SUGCT: variants seen among roughly 807,000 people sequenced by gnomAD.
The protein encoded by SUGCT is succinyl-CoA:glutarate CoA-transferase.
In SUGCT, 41 loss-of-function variants were observed where a neutral mutation model predicts 55.0. That is an observed-to-expected ratio of 0.74 (90% CI 0.58 to 0.97). The LOEUF is 0.97. Ranked by LOEUF, SUGCT falls within the 50% of genes least tolerant of loss-of-function variation. The probability of loss-of-function intolerance (pLI) is 0.00; values close to 1 mark genes in which losing one functional copy is unlikely to be tolerated. For missense variants in SUGCT, 568 were observed against 547.8 expected (o/e 1.04, Z -0.37); for synonymous variants, 187 against 200.4 (o/e 0.93, Z 0.56).
At chr7:40,760,093 C>G (rs1360162063) in intron 13 of SUGCT, among the ~76,000 whole-genome samples, 1 of 151,994 alleles carries the variant, frequency 6.6e-6, no homozygotes, top group Admixed American at 6.6e-5. Context: ...TCAAAAGACC[C>G]AAGATATTAA....
chr7:40,772,448 G>A (rs1789154468), intron 13 of SUGCT, among the ~76,000 whole-genome samples: 1 of 152,012 alleles, frequency 6.6e-6, no homozygotes, highest in Non-Finnish European at 1.5e-5. Flanking sequence ...CATCGTGATA[G>A]ACGCTAGATC....
At chr7:40,336,486 T>C (rs1796713673) in intron 9 of SUGCT, among the ~76,000 whole-genome samples, 1 of 152,210 alleles carries the variant, frequency 6.6e-6, no homozygotes, top group African/African-American at 2.4e-5. Context: ...GGAGGGTGTA[T>C]GTGTCCAGGA....
intron 12 of SUGCT, among the ~76,000 whole-genome samples, chr7:40,745,349 T>C (rs1203790046): frequency 6.6e-6 from 1 of 152,190 alleles, no homozygotes; most frequent in African/African-American, 2.4e-5. Flanking sequence ...TTTGTCTTGC[T>C]AGTGCTATAT....
chr7:40,405,438 A>G (rs970933106), intron 9 of SUGCT, among the ~76,000 whole-genome samples: 1 of 152,200 alleles, frequency 6.6e-6, no homozygotes, highest in Non-Finnish European at 1.5e-5. Context: ...ACATGTTTTA[A>G]TTATTACAAA....
intron 12 of SUGCT, among the ~76,000 whole-genome samples, chr7:40,662,955 A>G (rs1455023141): frequency 6.6e-6 from 1 of 152,186 alleles, no homozygotes; most frequent in East Asian, 1.9e-4. Context: ...TGCTGAATGA[A>G]TGACTAACTC....
chr7:40,614,546 T>C (rs1390942575), intron 12 of SUGCT, among the ~76,000 whole-genome samples: 13 of 152,102 alleles, frequency 8.5e-5, no homozygotes. Flanking sequence ...TAGATGGAAA[T>C]AGGGAAAGGT....
At chr7:40,586,967 CAG>C (rs1396622355) in intron 12 of SUGCT, among the ~76,000 whole-genome samples, 1 of 152,160 alleles carries the variant, frequency 6.6e-6, no homozygotes, top group African/African-American at 2.4e-5. Context: ...TGAAAAGTAA[CAG>C]AACTACAGAT....
At chr7:40,374,158 A>G (rs1268030773) in intron 9 of SUGCT, among the ~76,000 whole-genome samples, 1 of 152,148 alleles carries the variant, frequency 6.6e-6, no homozygotes, top group Admixed American at 6.6e-5. Context: ...GCACATGCAT[A>G]TATAGGGTTG....
chr7:40,373,596 A>G (rs1173021802), intron 9 of SUGCT, among the ~76,000 whole-genome samples: 1 of 152,006 alleles, frequency 6.6e-6, no homozygotes, highest in Non-Finnish European at 1.5e-5. Context: ...GGACAATGCT[A>G]AGTGTCTGTG....
At chr7:40,674,659 G>A (rs1802102907) in intron 12 of SUGCT, among the ~76,000 whole-genome samples, 1 of 152,136 alleles carries the variant, frequency 6.6e-6, no homozygotes, top group Non-Finnish European at 1.5e-5. Flanking sequence ...AATAAATTGG[G>A]AAATGTATAA....
the SUGCT span, among the ~76,000 whole-genome samples, chr7:40,926,162 G>C: frequency 6.6e-6 from 1 of 151,870 alleles, no homozygotes; most frequent in African/African-American, 2.4e-5. Flanking sequence ...CTGATGCTGA[G>C]TAAATACTAC....
At chr7:40,375,017 G>A (rs777383902) in intron 9 of SUGCT, among the ~76,000 whole-genome samples, 3 of 152,114 alleles carry the variant, frequency 2.0e-5, no homozygotes, top group Admixed American at 6.6e-5. Flanking sequence ...AGATTGTCAC[G>A]TGTGGGCTCA....
chr7:40,263,936 G>T, intron 7 of SUGCT, among the ~76,000 whole-genome samples: 1 of 151,886 alleles, frequency 6.6e-6, no homozygotes, highest in East Asian at 1.9e-4. Flanking sequence ...GGTTTGTTGA[G>T]GTTTAGCTGG....
chr7:40,558,903 T>C (rs1051940804), intron 12 of SUGCT, among the ~76,000 whole-genome samples: 3 of 152,216 alleles, frequency 2.0e-5, no homozygotes, highest in Non-Finnish European at 4.4e-5. Context: ...GAAATTCCTG[T>C]GAATTGTCTA....
intron 1 of SUGCT, among the ~76,000 whole-genome samples, chr7:40,173,625 G>T (rs1315486272): frequency 1.3e-5 from 2 of 152,020 alleles, no homozygotes; most frequent in Non-Finnish European, 2.9e-5. Flanking sequence ...TTGTATTTTA[G>T]TGAGCCCTCT....
chr7:40,515,675 T>C (rs1793193547), intron 12 of SUGCT, among the ~76,000 whole-genome samples: 1 of 152,234 alleles, frequency 6.6e-6, no homozygotes, highest in African/African-American at 2.4e-5. Flanking sequence ...CTGAATAATA[T>C]TCTGTTGTGT....
At chr7:40,458,291 GCCT>G (rs1177407964) in intron 10 of SUGCT, among the ~76,000 whole-genome samples, 2 of 152,180 alleles carry the variant, frequency 1.3e-5, no homozygotes, top group Non-Finnish European at 2.9e-5. Context: ...GCCAAGCACT[GCCT>G]CTACACAGTC....
the SUGCT span, among the ~76,000 whole-genome samples, chr7:41,007,582 T>G: frequency 6.6e-6 from 1 of 152,292 alleles, no homozygotes; most frequent in Non-Finnish European, 1.5e-5. Flanking sequence ...TAGTCACCAA[T>G]GCCAGATAGA....
chr7:40,625,689 A>T (rs184143628), intron 12 of SUGCT, among the ~76,000 whole-genome samples: 1 of 152,290 alleles, frequency 6.6e-6, no homozygotes, highest in East Asian at 1.9e-4. Flanking sequence ...GGTGCAAACT[A>T]TTAAAATAAA....
Sources: gnomAD v4.1 joint callset for allele counts (sites outside exome capture counted in the v4.1 genomes callset) on GRCh38, gnomAD v4.1.1 for gene constraint, MANE v1.5 for transcripts, NCBI Gene and HGNC (gene_info 2026-07-23, HGNC 2026-07-21) for gene names.